Variants in INTS7 observed in about 807,000 individuals in gnomAD.
INTS7 encodes the protein chromosome 1 open reading frame 73.
A neutral mutation model predicts 109.2 loss-of-function variants in INTS7; 46 were observed. That is an observed-to-expected ratio of 0.42 (90% confidence interval 0.33 to 0.54). The LOEUF is 0.54. INTS7 is among the 20% of genes least tolerant of loss of function. INTS7 has a pLI of 0.07. For missense variants in INTS7, 929 were observed against 1,132.4 expected (o/e 0.82, Z 2.58); for synonymous variants, 412 against 402.9 (o/e 1.02, Z -0.27).
intron 8 of INTS7, among the ~76,000 whole-genome samples, chr1:211,983,941 T>C (rs952913313): frequency 6.6e-6 from 1 of 151,900 alleles, no homozygotes; most frequent in Admixed American, 6.6e-5. Flanking sequence ...CACAGCTCAC[T>C]ATAGTCTCAA....
chr1:211,957,027 T>A (rs895682751), intron 16 of INTS7, among the ~76,000 whole-genome samples: 1 of 152,200 alleles, frequency 6.6e-6, no homozygotes, highest in Non-Finnish European at 1.5e-5. Flanking sequence ...GCTGTATCAT[T>A]GTGTATTCCC....
intron 3 of INTS7, 46 bp from the exon 4 acceptor site, chr1:212,017,069 C>T (rs762889960): frequency 6.6e-7 from 1 of 1,510,130 alleles, no homozygotes; most frequent in Non-Finnish European, 8.8e-7. Flanking sequence ...AAAATAAAGT[C>T]AAGGTCAGAA....
chr1:211,986,182 G>GA (rs1450948390), intron 8 of INTS7, among the ~76,000 whole-genome samples: 4 of 152,002 alleles, frequency 2.6e-5, no homozygotes, highest in African/African-American at 9.7e-5. Context: ...GAGTCACATG[G>GA]ATAAAAACTA....
At chr1:211,956,789 T>C (rs946078821) in intron 16 of INTS7, among the ~76,000 whole-genome samples, 4 of 152,204 alleles carry the variant, frequency 2.6e-5, no homozygotes, top group African/African-American at 9.7e-5. Context: ...TTACTTAGTA[T>C]TTCATTTGTG....
intron 16 of INTS7, among the ~76,000 whole-genome samples, chr1:211,953,277 T>G (rs973204500): frequency 1.3e-5 from 2 of 152,218 alleles, no homozygotes; most frequent in African/African-American, 2.4e-5. Context: ...CACAGCGTGC[T>G]GGGATAAGTT....
chr1:211,999,067 G>A (rs1041683191), intron 7 of INTS7, among the ~76,000 whole-genome samples: 3 of 152,170 alleles, frequency 2.0e-5, no homozygotes, highest in South Asian at 4.1e-4. Context: ...TTTGGAAAAC[G>A]GTTTGGCAGT....
At chr1:211,960,494 A>G (rs1282068527) in intron 16 of INTS7, among the ~76,000 whole-genome samples, 2 of 152,188 alleles carry the variant, frequency 1.3e-5, no homozygotes, top group African/African-American at 4.8e-5. Context: ...CAGAGTATGG[A>G]TGGGAATGAA....
At chr1:212,024,410 T>A (rs535389370) in intron 1 of INTS7, among the ~76,000 whole-genome samples, 57 of 152,190 alleles carry the variant, frequency 3.7e-4, no homozygotes, top group Non-Finnish European at 6.3e-4. Context: ...GTTGTAGAGA[T>A]CTTTCACCTC....
rs114247834 is a variant in INTS7, at chr1:211,959,876, C to A, written c.2183+6554G>T. On this transcript the variant is annotated intron_variant, in intron 16 of 19. Transcript: ENST00000366994. The surrounding 1 kb of genome is among the most constrained non-coding windows in gnomAD (Gnocchi z 4.2). ...TCCCCTGCACCCCACCGGCCACCTG[C>A]GCTGCCTCTGCTGCTGCTGTGAAGG... Among the ~76,000 whole-genome samples the A allele has an allele frequency of 9.2e-5, 14 of 152,218 alleles. No individual in the cohort carries two copies. In the East Asian group the frequency reaches 2.5e-3, roughly 27 times the overall value.
At chr1:211,951,312 G>T (rs1309237383) in intron 17 of INTS7, among the ~76,000 whole-genome samples, 1 of 151,540 alleles carries the variant, frequency 6.6e-6, no homozygotes, top group Admixed American at 6.6e-5. Context: ...TGTTTGTTTG[G>T]TTGGTTTTTT....
At position 212,031,864 on chromosome 1, in the gene INTS7, A is replaced by G. The variant is rs907563343; in HGVS notation, c.94+3480T>C. 3.9e-5 allele frequency among the ~76,000 whole-genome samples: 6 copies of G among 152,254 alleles called. No individual in the cohort carries two copies. The South Asian group carries it at 1.0e-3, about 26-fold the overall frequency. ...AATGCTTGCTCAAAAGGCTCAGAAT[A>G]AAGTACAACAGTTATAAATATATAA... On this transcript the variant is annotated intron_variant, in intron 1 of 19. Coordinates refer to ENST00000366994, the MANE Select transcript of INTS7 (RefSeq NM_015434.4).
chr1:211,955,758 T>A (rs969281516), intron 16 of INTS7, among the ~76,000 whole-genome samples: 1 of 152,230 alleles, frequency 6.6e-6, no homozygotes, highest in Admixed American at 6.5e-5. Flanking sequence ...GGCATCATTA[T>A]CTACCTACAG....
At chr1:211,971,787 G>A (rs1664181518) in intron 13 of INTS7, among the ~76,000 whole-genome samples, 1 of 151,994 alleles carries the variant, frequency 6.6e-6, no homozygotes, top group East Asian at 1.9e-4. Flanking sequence ...ATGGTGGAGA[G>A]CGCCTGTAAT....
At chr1:211,982,371 G>A (rs938330304) in intron 9 of INTS7, among the ~76,000 whole-genome samples, 7 of 151,982 alleles carry the variant, frequency 4.6e-5, no homozygotes, top group African/African-American at 1.7e-4. Context: ...ATACAAAAGG[G>A]GTAGAGTCCT....
At chr1:211,970,655 G>A (rs116355570) in intron 13 of INTS7, among the ~76,000 whole-genome samples, 23 of 152,140 alleles carry the variant, frequency 1.5e-4, no homozygotes, top group African/African-American at 4.8e-4. Context: ...TCTTCAAAAG[G>A]AACTTCACAG....
rs1662851701 is a variant in INTS7, at chr1:211,946,470, T to C, written c.2415+137A>G. On this transcript the variant is annotated intron_variant, in intron 18 of 19. Coordinates refer to ENST00000366994, the MANE Select transcript of INTS7 (RefSeq NM_015434.4). This position sits in a 1 kb window ranked among gnomAD's most constrained non-coding sequence, Gnocchi z 4.3. ...CAGCCCAGGCGACAGGGCGAGACTC[T>C]GTCTCAAAAAACAAAACAAAACAAA... 1.8e-6 allele frequency: 1 copy of C among 560,222 alleles called. No individual in the cohort carries two copies. The highest frequency in any genetic ancestry group is 3.2e-5 in the East Asian group (1 of 31,404). The allele number at this position is 560,222 out of a possible 1,614,324, so 34.7% of individuals were successfully genotyped here. A position where few individuals can be genotyped will look rare whatever the true frequency, so the allele number is the denominator to read the frequency against.
rs202020156 is a variant in INTS7, at chr1:212,017,064, A to C, written c.372-41T>G. ...AACCCAAGAAGATCGGGCATAAAAT[A>C]AAGTCAAGGTCAGAAAAGTAAGAGG... On this transcript the variant is annotated intron_variant, in intron 3 of 19. Coordinates refer to ENST00000366994, the MANE Select transcript of INTS7 (RefSeq NM_015434.4). The C allele has an allele frequency of 1.3e-4, 196 of 1,526,062 alleles. No individual in the cohort carries two copies. The East Asian group carries it at 4.7e-3, about 37-fold the overall frequency. 94.5% of individuals were successfully genotyped at this position (1,526,062 alleles called of 1,614,324 possible).
chr1:211,986,860 G>A (rs890474842), intron 8 of INTS7, among the ~76,000 whole-genome samples: 2 of 152,128 alleles, frequency 1.3e-5, no homozygotes, highest in African/African-American at 2.4e-5. Flanking sequence ...TAAGACTTAC[G>A]TGGCAGGGAA....
At chr1:212,002,423 T>C (rs1665712235) in intron 7 of INTS7, among the ~76,000 whole-genome samples, 1 of 152,206 alleles carries the variant, frequency 6.6e-6, no homozygotes, top group Admixed American at 6.5e-5. Flanking sequence ...AGAGGCAATC[T>C]ATCTCATGTA....
Sources: allele counts gnomAD v4.1 joint callset (sites outside exome capture counted in the v4.1 genomes callset), GRCh38; gene constraint gnomAD v4.1.1; non-coding constraint Gnocchi (gnomAD v3.1); transcripts MANE v1.5; gene names NCBI Gene and HGNC (gene_info 2026-07-23, HGNC 2026-07-21).